SLC39A5: variants seen among roughly 807,000 people sequenced by gnomAD.
SLC39A5 encodes zinc transporter ZIP5.
Under a neutral mutation model 46.9 loss-of-function variants are expected in SLC39A5, and 42 were observed. The ratio of observed to expected loss-of-function variants is 0.90; its 90% CI spans 0.70 to 1.16. The LOEUF (loss-of-function observed/expected upper bound fraction) is 1.16, where lower values mean the gene tolerates loss of function less well. Among genes scored for constraint, SLC39A5 ranks in the 50% most tolerant of loss-of-function variants. The pLI is 0.00. For synonymous variants in SLC39A5, 311 were observed against 323.1 expected (o/e 0.96, Z 0.40); for missense variants, 677 against 686.8 (o/e 0.99, Z 0.16).
intron 4 of SLC39A5, among the ~76,000 whole-genome samples, chr12:56,232,461 C>T (rs183104515): frequency 1.3e-5 from 2 of 152,170 alleles, no homozygotes; most frequent in Non-Finnish European, 2.9e-5. Context: ...CCACCGTGCC[C>T]AGCCATTCGT....
intron 5 of SLC39A5, 25 bp downstream of exon 5, chr12:56,232,897 G>A: frequency 6.3e-7 from 1 of 1,590,254 alleles, no homozygotes; most frequent in East Asian, 2.3e-5. Flanking sequence ...CTCTAGAGGG[G>A]AAGGAGCCAT....
intron 4 of SLC39A5, among the ~76,000 whole-genome samples, chr12:56,232,123 T>C (rs1870270118): frequency 6.6e-6 from 1 of 151,878 alleles, no homozygotes; most frequent in Admixed American, 6.6e-5. Flanking sequence ...TGGGCTGATT[T>C]GGCTCCAAAT....
At chr12:56,234,310 G>A (rs1188171742) in intron 5 of SLC39A5, among the ~76,000 whole-genome samples, 2 of 148,148 alleles carry the variant, frequency 1.3e-5, no homozygotes, top group East Asian at 3.9e-4. Flanking sequence ...ACTATCCCCA[G>A]CTAATTTTTT....
At chr12:56,235,465 T>C in intron 7 of SLC39A5, 95 bp from the exon 8 acceptor site, 2 of 1,527,770 alleles carry the variant, frequency 1.3e-6, no homozygotes, top group Non-Finnish European at 1.8e-6. Flanking sequence ...TGCCTTCTAG[T>C]AGAGCATATG....
At chr12:56,231,154 C>T in intron 3 of SLC39A5, 50 bp from the exon 4 acceptor site, 2 of 1,145,550 alleles carry the variant, frequency 1.7e-6, no homozygotes, top group Middle Eastern at 2.5e-4. Context: ...CCCCCATGGA[C>T]CTGAGCTGGA....
Position 56,232,774 on chromosome 12 carries a change from GCC to G in SLC39A5, c.376_377del (p.Pro126SerfsTer26). The G allele has an allele frequency of 6.2e-7, 1 of 1,612,244 alleles. No individual in the cohort carries two copies. The highest frequency in any genetic ancestry group is 8.5e-7 in the Non-Finnish European group (1 of 1,179,412). On this transcript the variant is annotated frameshift_variant, in exon 5 of 13. Coordinates refer to ENST00000454355, the MANE Select transcript of SLC39A5 (RefSeq NM_173596.3). LOFTEE classifies it high-confidence loss of function. ...GTGGGGTGACCTGGAAGAGTCAAAG[GCC>G]CCTCACCTACCCCGTGGGCCAGCCC... ...SGWGDLEESK[A>X]PHLPRGPAPS...
chr12:56,237,112 A>G (rs774410618), intron 11 of SLC39A5, 38 bp from the exon 12 acceptor site: 1 of 1,613,100 alleles, frequency 6.2e-7, no homozygotes, highest in Non-Finnish European at 8.5e-7. Flanking sequence ...GGGGCACCCC[A>G]GCTTACTCCC....
chr12:56,236,544 T>C, intron 9 of SLC39A5, 38 bp from the exon 10 acceptor site: 2 of 1,614,134 alleles, frequency 1.2e-6, no homozygotes, highest in Non-Finnish European at 1.7e-6. Context: ...CAGTCCTTAC[T>C]TGCAGCCACC....
Position 56,231,507 on chromosome 12 carries a change from A to G in SLC39A5, c.233A>G (p.His78Arg), listed in dbSNP as rs778440554. The G allele has an allele frequency of 1.1e-5, 17 of 1,603,076 alleles. No individual in the cohort carries two copies. Among genetic ancestry groups the G allele is most frequent in the Non-Finnish European group, 1.4e-5 (17 of 1,173,916 alleles). Reference protein sequence around the residue: ...GRVQGLRLGQHGPLTGRAASP... With the variant: ...GRVQGLRLGQRGPLTGRAASP... ...GTTCAGGGGCTTCGCCTGGGACAGCATGGGCCTCTGACTGGACGGGCTGCA... is the reference window on the plus strand; with the variant it reads ...GTTCAGGGGCTTCGCCTGGGACAGCGTGGGCCTCTGACTGGACGGGCTGCA... The change falls in exon 4 of 13, where the codon CAT (histidine) becomes CGT (arginine). Residue 78 changes from histidine to arginine, a missense_variant. Physicochemically the swap from His to Arg is conservative, Grantham distance 29. Transcript: ENST00000454355.
chr12:56,235,228 C>T lies in SLC39A5; in HGVS notation c.706C>T (p.Leu236Phe). 6.3e-7 allele frequency: 1 copy of T among 1,584,876 alleles called. No individual in the cohort carries two copies. Among genetic ancestry groups the T allele is most frequent in the Non-Finnish European group, 8.6e-7 (1 of 1,167,328 alleles). ...TCCCCTATCCCTGCTGCTGCTGCGG[C>T]TCCTGGGACCTCGTCTACTACGGCC... ...PSPLSLLLLRLLGPRLLRPLL... is the reference protein window; with the variant it reads ...PSPLSLLLLRFLGPRLLRPLL... The change falls in exon 7 of 13, where the codon CTC becomes TTC. Residue 236 changes from leucine to phenylalanine, a missense_variant. Transcript: ENST00000454355.
intron 10 of SLC39A5, 55 bp downstream of exon 10, chr12:56,236,801 G>A (rs527947565): frequency 1.9e-6 from 3 of 1,577,160 alleles, no homozygotes; most frequent in East Asian, 2.2e-5. Context: ...AGGGCTCCTA[G>A]TTATCAGCTG....
At chr12:56,231,630 C>T in intron 4 of SLC39A5, 69 bp downstream of exon 4, 1 of 1,461,268 alleles carries the variant, frequency 6.8e-7, no homozygotes, top group Non-Finnish European at 9.1e-7. Context: ...CCCCCAGTTG[C>T]CTCGTTCTGG....
rs1185930658 is a variant in SLC39A5, at chr12:56,236,564, C to G, written c.1043-18C>G. On this transcript the variant is annotated intron_variant, in intron 9 of 12. Coordinates refer to ENST00000454355, the MANE Select transcript of SLC39A5 (RefSeq NM_173596.3). Reference sequence around the variant, plus strand: ...CTTACTTGCAGCCACCAACACTGTCCTGTGCTTCTTCCCGCAGAGCCAGGG... The same window carrying G: ...CTTACTTGCAGCCACCAACACTGTCGTGTGCTTCTTCCCGCAGAGCCAGGG... The G allele has an allele frequency of 8.7e-6, 14 of 1,613,398 alleles. No individual in the cohort carries two copies. Among genetic ancestry groups the G allele is most frequent in the Non-Finnish European group, 1.2e-5 (14 of 1,179,426 alleles).
chr12:56,231,571 C>G lies in SLC39A5; in HGVS notation c.287+10C>G. 6.6e-7 allele frequency: 1 copy of G among 1,526,020 alleles called. No homozygotes were observed. The highest frequency in any genetic ancestry group is 8.8e-7 in the Non-Finnish European group (1 of 1,135,878). 94.5% of individuals were successfully genotyped at this position (1,526,020 alleles called of 1,614,324 possible). On this transcript the variant is annotated intron_variant, in intron 4 of 12. Coordinates refer to ENST00000454355, the MANE Select transcript of SLC39A5 (RefSeq NM_173596.3). ...ACAATTCCACACACAGGTACTGACCCCTTCCTCCACTCCACAGGGCCACAT... is the reference window on the plus strand; with the variant it reads ...ACAATTCCACACACAGGTACTGACCGCTTCCTCCACTCCACAGGGCCACAT...
rs1268323371 is a variant in SLC39A5, at chr12:56,237,266, G to A, written c.1405G>A (p.Gly469Ser). 6.2e-7 allele frequency: 1 copy of A among 1,613,840 alleles called. No homozygotes were observed. The highest frequency in any genetic ancestry group is 1.3e-5 in the African/African-American group (1 of 75,020). Residue 469 changes from glycine (G) to serine (S), a missense_variant, in exon 12 of 13, where the codon GGC becomes AGC. Transcript: ENST00000454355. ...AGTCCTGGGGGTGGGGCTCAGCCTG[G>A]GCCCTGTCCCCCTCACTCCCTGGGT... ...GAVLGVGLSL[G>S]PVPLTPWVFG...
Position 56,232,787 on chromosome 12 carries a change from C to G in SLC39A5, c.386C>G (p.Pro129Arg), listed in dbSNP as rs189861279. The G allele has an allele frequency of 1.3e-5, 21 of 1,612,570 alleles. No individual in the cohort carries two copies. The East Asian group carries it at 4.5e-4, about 34-fold the overall frequency. Residue 129 changes from proline to arginine, a missense_variant, in exon 5 of 13, where the codon CCC (proline) becomes CGC (arginine). Transcript: ENST00000454355. Reference protein sequence around the residue: ...DLEESKAPHLPRGPAPSGLDL... With the variant: ...DLEESKAPHLRRGPAPSGLDL... ...GAAGAGTCAAAGGCCCCTCACCTAC[C>G]CCGTGGGCCAGCCCCCTCGGGCCTG...
chr12:56,232,939 CAGT>C, intron 5 of SLC39A5, 67 bp downstream of exon 5: 1 of 1,491,932 alleles, frequency 6.7e-7, no homozygotes, highest in Non-Finnish European at 9.1e-7. Flanking sequence ...TTTAAATAAT[CAGT>C]AGTTTTTTGT....
chr12:56,232,944 G>GT (rs1436419614), intron 5 of SLC39A5, 72 bp downstream of exon 5: 1 of 1,477,748 alleles, frequency 6.8e-7, no homozygotes, highest in Non-Finnish European at 9.1e-7. Flanking sequence ...ATAATCAGTA[G>GT]TTTTTTGTTT....
chr12:56,237,056 T>G, intron 11 of SLC39A5, 45 bp downstream of exon 11: 1 of 1,613,236 alleles, frequency 6.2e-7, no homozygotes, highest in South Asian at 1.1e-5. Flanking sequence ...AGAAAGGAGA[T>G]AGCTCCAAGG....
Sources: allele counts gnomAD v4.1 joint callset (sites outside exome capture counted in the v4.1 genomes callset), GRCh38; gene constraint gnomAD v4.1.1; transcripts MANE v1.5; gene names NCBI Gene and HGNC (gene_info 2026-07-23, HGNC 2026-07-21).